The following SGCZ variants were observed in gnomAD, a reference collection of about 807,000 sequenced individuals.
SGCZ encodes sarcoglycan zeta, also known as zeta-sarcoglycan.
In SGCZ, 40 loss-of-function variants were observed where a neutral mutation model predicts 41.3. That is an observed-to-expected ratio of 0.97 (90% confidence interval 0.75 to 1.26). SGCZ has a LOEUF of 1.26. Ranked by LOEUF, SGCZ falls within the 50% of genes most tolerant of loss-of-function variation. The pLI is 0.00. For synonymous variants in SGCZ, 206 were observed against 137.5 expected, an observed-to-expected ratio of 1.50 and a Z score of -3.49; for missense variants, 552 against 369.8, an observed-to-expected ratio of 1.49 and a Z score of -4.04.
intron 1 of SGCZ, among the ~76,000 whole-genome samples, chr8:14,908,697 C>A (rs1041863506): frequency 1.4e-5 from 2 of 142,950 alleles, no homozygotes; most frequent in Non-Finnish European, 3.0e-5. Flanking sequence ...TTGCAGTGAG[C>A]CGAGATCGGG....
At chr8:14,346,819 G>A (rs1802905363) in intron 2 of SGCZ, among the ~76,000 whole-genome samples, 1 of 151,902 alleles carries the variant, frequency 6.6e-6, no homozygotes, top group Non-Finnish European at 1.5e-5. Flanking sequence ...AAATATTTGT[G>A]TGCGCGCATG....
intron 1 of SGCZ, among the ~76,000 whole-genome samples, chr8:14,670,882 G>T (rs1483307081): frequency 6.6e-6 from 1 of 152,210 alleles, no homozygotes; most frequent in African/African-American, 2.4e-5. Flanking sequence ...CTATCTGGCT[G>T]CACAGCCATG....
In SGCZ at chr8:14,925,542, G is replaced by C. The variant is rs540177960; in HGVS notation, c.39+312043C>G. Among the ~76,000 whole-genome samples the C allele has an allele frequency of 5.9e-5, 9 of 152,292 alleles. No homozygotes were observed. In the East Asian group the frequency reaches 1.4e-3, roughly 23 times the overall value. On this transcript the variant is annotated intron_variant, in intron 1 of 7. Coordinates refer to ENST00000382080, the MANE Select transcript of SGCZ (RefSeq NM_139167.4). ...CAAGGAGATGCATTGCCTATAAACA[G>C]ATAGGCAGAAATTCTGGAGACCTAC...
intron 1 of SGCZ, among the ~76,000 whole-genome samples, chr8:14,583,900 C>G (rs1464304191): frequency 6.6e-6 from 1 of 151,816 alleles, no homozygotes; most frequent in East Asian, 1.9e-4. Flanking sequence ...TTTCTATTTT[C>G]CCATTTTGAG....
intron 2 of SGCZ, among the ~76,000 whole-genome samples, chr8:14,363,041 T>G (rs550112938): frequency 4.6e-5 from 7 of 152,286 alleles, no homozygotes; most frequent in African/African-American, 1.7e-4. Context: ...TGTATATTAT[T>G]TTCAAGGCCA....
intron 1 of SGCZ, among the ~76,000 whole-genome samples, chr8:15,015,192 A>G (rs755138824): frequency 1.6e-4 from 24 of 152,094 alleles, no homozygotes; most frequent in Non-Finnish European, 2.9e-4. Context: ...GCAGTGAGCC[A>G]AGATCACGCC....
At chr8:14,528,282 C>A (rs1247522845) in intron 2 of SGCZ, among the ~76,000 whole-genome samples, 1 of 152,084 alleles carries the variant, frequency 6.6e-6, no homozygotes, top group Admixed American at 6.6e-5. Flanking sequence ...CAAAGTTACA[C>A]ATGAATTATA....
intron 1 of SGCZ, among the ~76,000 whole-genome samples, chr8:14,567,250 T>A (rs555361620): frequency 4.6e-5 from 7 of 152,172 alleles, no homozygotes; most frequent in Non-Finnish European, 8.8e-5. Context: ...TGCAGGCAAC[T>A]CCATCTGCCA....
chr8:14,639,263 A>G (rs1806940652), intron 1 of SGCZ, among the ~76,000 whole-genome samples: 1 of 151,560 alleles, frequency 6.6e-6, no homozygotes, highest in African/African-American at 2.4e-5. Context: ...TACTTACCTT[A>G]CCACTAATAT....
intron 1 of SGCZ, among the ~76,000 whole-genome samples, chr8:15,088,504 G>C (rs577158262): frequency 6.6e-6 from 1 of 152,156 alleles, no homozygotes; most frequent in Non-Finnish European, 1.5e-5. Context: ...TGCAATACAT[G>C]TACTTTATAT....
At chr8:14,596,367 T>A (rs1464534204) in intron 1 of SGCZ, among the ~76,000 whole-genome samples, 2 of 152,092 alleles carry the variant, frequency 1.3e-5, no homozygotes, top group Non-Finnish European at 2.9e-5. Context: ...ATGACTTGAA[T>A]CTTAAAATAT....
intron 2 of SGCZ, among the ~76,000 whole-genome samples, chr8:14,372,212 T>C (rs371386852): frequency 3.3e-5 from 5 of 152,240 alleles, no homozygotes; most frequent in Admixed American, 1.3e-4. Flanking sequence ...AATATTAACA[T>C]TGAGAATTAT....
intron 1 of SGCZ, among the ~76,000 whole-genome samples, chr8:15,224,138 G>A (rs769098441): frequency 6.6e-6 from 1 of 152,168 alleles, no homozygotes; most frequent in African/African-American, 2.4e-5. Flanking sequence ...TAACAGGCGT[G>A]AGCCACCATG....
In SGCZ at chr8:14,481,478, T is replaced by C. The variant is rs548992244; in HGVS notation, c.234+73254A>G. On this transcript the variant is annotated intron_variant, in intron 2 of 7. Transcript: ENST00000382080. ...TTTTTGTGACAGTAATAGTAAAAAA[T>C]AATTTTTATCAATCTCACAATAAAT... 7.2e-5 allele frequency among the ~76,000 whole-genome samples: 11 copies of C among 152,286 alleles called. No individual in the cohort carries two copies. The South Asian group carries it at 2.3e-3, about 32-fold the overall frequency.
chr8:14,803,597 G>T (rs1035519341), intron 1 of SGCZ, among the ~76,000 whole-genome samples: 14 of 152,120 alleles, frequency 9.2e-5, no homozygotes, highest in Non-Finnish European at 1.6e-4. Context: ...GAGTCTCCCT[G>T]ATTGCTAGCA....
At chr8:14,484,678 A>G (rs1375074305) in intron 2 of SGCZ, among the ~76,000 whole-genome samples, 2 of 152,206 alleles carry the variant, frequency 1.3e-5, no homozygotes, top group Non-Finnish European at 2.9e-5. Context: ...TGGGAATATT[A>G]TATTTAAGCA....
At chr8:14,381,396 A>G (rs1376861911) in intron 2 of SGCZ, among the ~76,000 whole-genome samples, 1 of 152,226 alleles carries the variant, frequency 6.6e-6, no homozygotes, top group Non-Finnish European at 1.5e-5. Context: ...GTGTCATAAA[A>G]GATGATAATC....
At chr8:15,203,733 T>C (rs1485943742) in intron 1 of SGCZ, among the ~76,000 whole-genome samples, 1 of 152,208 alleles carries the variant, frequency 6.6e-6, no homozygotes, top group Non-Finnish European at 1.5e-5. Flanking sequence ...TTTTCAAAAA[T>C]GCATATGATT....
chr8:14,508,706 C>T (rs544107305), intron 2 of SGCZ, among the ~76,000 whole-genome samples: 1 of 152,132 alleles, frequency 6.6e-6, no homozygotes, highest in Non-Finnish European at 1.5e-5. Context: ...ATGGGTTACA[C>T]TGGAACAGTA....
Sources: gnomAD v4.1 joint callset for allele counts (sites outside exome capture counted in the v4.1 genomes callset) on GRCh38, gnomAD v4.1.1 for gene constraint, MANE v1.5 for transcripts, NCBI Gene and HGNC (gene_info 2026-07-23, HGNC 2026-07-21) for gene names.